Variants in MAP7 observed in about 807,000 individuals in gnomAD.
MAP7 encodes microtubule associated protein 7.
A neutral mutation model predicts 94.8 loss-of-function variants in MAP7; 52 were observed. That is an observed-to-expected ratio of 0.55 (90% CI 0.44 to 0.69). MAP7 has a LOEUF of 0.69. Ranked by LOEUF, MAP7 falls within the 30% of genes least tolerant of loss-of-function variation. MAP7 has a pLI of 0.00. For synonymous variants in MAP7, 350 were observed against 357.0 expected, an observed-to-expected ratio of 0.98 and a Z score of 0.22; for missense variants, 940 against 964.6, an observed-to-expected ratio of 0.97 and a Z score of 0.34.
At chr6:136,527,134 C>T (rs541232729) in intron 1 of MAP7, among the ~76,000 whole-genome samples, 1 of 152,350 alleles carries the variant, frequency 6.6e-6, no homozygotes, top group African/African-American at 2.4e-5. Context: ...CGGTGCTGAG[C>T]AATGCTCAAC....
chr6:136,393,681 G>A (rs1206190404), intron 3 of MAP7, among the ~76,000 whole-genome samples: 1 of 152,014 alleles, frequency 6.6e-6, no homozygotes, highest in African/African-American at 2.4e-5. Context: ...TGTCACCTCG[G>A]CTGGAGTGCA....
chr6:136,381,130 A>G (rs1777612745), intron 6 of MAP7, among the ~76,000 whole-genome samples: 1 of 152,244 alleles, frequency 6.6e-6, no homozygotes, highest in Admixed American at 6.5e-5. Context: ...TAACTTTTAA[A>G]AATAGCAGGA....
intron 1 of MAP7, among the ~76,000 whole-genome samples, chr6:136,452,346 A>G (rs1348433475): frequency 6.6e-6 from 1 of 152,228 alleles, no homozygotes; most frequent in South Asian, 2.1e-4. Context: ...TGAAAGGACA[A>G]GGGATTTAGA....
At position 136,419,000 on chromosome 6, in the gene MAP7, G is replaced by A. The variant is rs377558612; in HGVS notation, c.166+2701C>T. Among the ~76,000 whole-genome samples, 48 of 152,200 alleles carry A rather than the reference G, an allele frequency of 3.2e-4. 1 individual carries two copies. The highest frequency in any genetic ancestry group is 1.1e-3 in the African/African-American group (46 of 41,522). On this transcript the variant is annotated intron_variant, in intron 2 of 17. Transcript: ENST00000354570. Reference sequence around the variant, plus strand: ...GATGCTCAAAAAGACACAATCAGAAGTGAAATGTCTCCCTATTTAACTTGA... The same window carrying A: ...GATGCTCAAAAAGACACAATCAGAAATGAAATGTCTCCCTATTTAACTTGA...
At chr6:136,452,193 CAAACAAAACAAAACA>C (rs71006801) in intron 1 of MAP7, among the ~76,000 whole-genome samples, 35 of 145,710 alleles carry the variant, frequency 2.4e-4, no homozygotes, top group Non-Finnish European at 3.0e-4. Flanking sequence ...GACTCCGTCT[CAAACAAAACAAAACA>C]AAACAAAACA....
intron 2 of MAP7, chr6:136,420,289 A>G: frequency 1.2e-6 from 1 of 842,950 alleles, no homozygotes; most frequent in Non-Finnish European, 2.0e-6. Flanking sequence ...ATGCTTCCAG[A>G]GGGACCTTGG....
intron 1 of MAP7, among the ~76,000 whole-genome samples, chr6:136,488,591 C>T (rs1312675780): frequency 6.6e-6 from 1 of 151,772 alleles, no homozygotes; most frequent in Non-Finnish European, 1.5e-5. Flanking sequence ...ACTACAGGCA[C>T]CCGCCACCAC....
At chr6:136,446,830 A>G (rs1192992593) in intron 1 of MAP7, among the ~76,000 whole-genome samples, 3 of 152,362 alleles carry the variant, frequency 2.0e-5, no homozygotes, top group African/African-American at 7.2e-5. Context: ...CGAAAAAGTC[A>G]GTGATGTATA....
chr6:136,382,297 G>A (rs778060776), intron 6 of MAP7, among the ~76,000 whole-genome samples: 2 of 152,030 alleles, frequency 1.3e-5, no homozygotes, highest in African/African-American at 2.4e-5. Context: ...TTCAGCTATG[G>A]GATTGTAGAA....
chr6:136,520,216 A>AG (rs536540602), intron 1 of MAP7, among the ~76,000 whole-genome samples: 9,540 of 147,546 alleles, frequency 0.065, 775 homozygotes, highest in African/African-American at 0.19. Context: ...AAAAAAAAAA[A>AG]GGGGGGAGGA....
At chr6:136,416,591 A>C (rs1461529949) in intron 2 of MAP7, among the ~76,000 whole-genome samples, 1 of 152,140 alleles carries the variant, frequency 6.6e-6, no homozygotes, top group Admixed American at 6.5e-5. Context: ...GAATCACTTG[A>C]GGTCAGGAGT....
intron 1 of MAP7, among the ~76,000 whole-genome samples, chr6:136,436,355 C>A (rs957911513): frequency 2.0e-5 from 3 of 150,774 alleles, no homozygotes; most frequent in South Asian, 2.1e-4. Context: ...TGAAAAAGTT[C>A]TATTTTTTAA....
At chr6:136,351,086 G>A (rs1422050870) in intron 16 of MAP7, among the ~76,000 whole-genome samples, 2 of 152,010 alleles carry the variant, frequency 1.3e-5, no homozygotes, top group Non-Finnish European at 1.5e-5. Flanking sequence ...GAGTGACAAG[G>A]CAGGCAGTCT....
intron 1 of MAP7, among the ~76,000 whole-genome samples, chr6:136,483,455 G>A (rs190676578): frequency 2.3e-4 from 35 of 151,902 alleles, no homozygotes; most frequent in Non-Finnish European, 2.2e-4. Context: ...ACCAAACCCC[G>A]GGAACACATT....
chr6:136,482,443 A>G (rs1207317102), intron 1 of MAP7, among the ~76,000 whole-genome samples: 1 of 152,136 alleles, frequency 6.6e-6, no homozygotes, highest in East Asian at 1.9e-4. Flanking sequence ...TACTAAAAAT[A>G]CAAAAATATT....
chr6:136,527,734 T>G (rs945477576), intron 1 of MAP7, among the ~76,000 whole-genome samples: 1 of 152,242 alleles, frequency 6.6e-6, no homozygotes, highest in Non-Finnish European at 1.5e-5. Flanking sequence ...TCAAGGTATT[T>G]CCAGTTCAAC....
chr6:136,426,709 A>G (rs929181066), intron 1 of MAP7, among the ~76,000 whole-genome samples: 1 of 152,242 alleles, frequency 6.6e-6, no homozygotes, highest in Non-Finnish European at 1.5e-5. Flanking sequence ...CTGTCTGGTC[A>G]GAACAGCAGG....
At chr6:136,436,303 T>C (rs1469568868) in intron 1 of MAP7, among the ~76,000 whole-genome samples, 3 of 152,190 alleles carry the variant, frequency 2.0e-5, no homozygotes, top group African/African-American at 7.2e-5. Flanking sequence ...CTTGACTTTG[T>C]AACAAATATT....
intron 1 of MAP7, among the ~76,000 whole-genome samples, chr6:136,449,911 G>A (rs192261601): frequency 1.8e-3 from 270 of 152,298 alleles, no homozygotes; most frequent in African/African-American, 5.6e-3. Flanking sequence ...GGCCAGGCAC[G>A]GTGGCGGTGG....
Sources: allele counts gnomAD v4.1 joint callset (sites outside exome capture counted in the v4.1 genomes callset), GRCh38; gene constraint gnomAD v4.1.1; transcripts MANE v1.5; gene names NCBI Gene and HGNC (gene_info 2026-07-23, HGNC 2026-07-21).